Variants in TNFRSF1A observed in about 807,000 individuals in gnomAD.
TNFRSF1A encodes the protein TNF receptor superfamily member 1A, also known as tumor necrosis factor receptor superfamily member 1A.
In TNFRSF1A, 9 loss-of-function variants were observed where a neutral mutation model predicts 41.6. That is an observed-to-expected ratio of 0.22 (90% CI 0.13 to 0.38). The LOEUF (loss-of-function observed/expected upper bound fraction) is 0.38. TNFRSF1A is among the 10% of genes least tolerant of loss of function. TNFRSF1A has a pLI of 1.00. For missense variants in TNFRSF1A, 463 were observed against 591.5 expected (o/e 0.78, Z 2.25); for synonymous variants, 254 against 248.6 (o/e 1.02, Z -0.21).
chr12:6,338,448 T>A (rs929011385), intron 1 of TNFRSF1A, among the ~76,000 whole-genome samples: 14 of 152,278 alleles, frequency 9.2e-5, no homozygotes, highest in African/African-American at 3.1e-4. Context: ...ACACACTTTT[T>A]AAATCTTCAT....
At position 6,329,326 on chromosome 12, in the gene TNFRSF1A, T is replaced by G; in HGVS notation, c.1354A>C (p.Ser452Arg). 6.8e-7 allele frequency: 1 copy of G among 1,473,186 alleles called. No homozygotes were observed. The highest frequency in any genetic ancestry group is 1.5e-5 in the African/African-American group (1 of 68,140). The allele number at this position is 1,473,186 out of a possible 1,614,324, so 91.3% of individuals were successfully genotyped here. A position where few individuals can be genotyped will look rare whatever the true frequency, so the allele number is the denominator to read the frequency against. Reference sequence around the variant, plus strand: ...GGGGCGCAGCCTCATCTGAGAAGACTGGGCGCGGGCGGGAGGGCGGCGGGG... The same window carrying G: ...GGGGCGCAGCCTCATCTGAGAAGACGGGGCGCGGGCGGGAGGGCGGCGGGG... ...CGPAALPPAP[S>R]LLR The change falls in exon 10 of 10, where the codon AGT becomes CGT. Residue 452 changes from serine (S) to arginine (R), a missense_variant. Physicochemically the swap from Ser to Arg is moderately radical, Grantham distance 110 (BLOSUM62 -1). Coordinates refer to ENST00000162749, the MANE Select transcript of TNFRSF1A (RefSeq NM_001065.4).
Position 6,329,510 on chromosome 12 carries a change from C to A in TNFRSF1A, c.1170G>T (p.Leu390=). ...LSDHEIDRLE[L]QNGRCLREAQ... ...CCTCGCGCAGGCAGCGCCCGTTCTG[C>A]AGCTCCAGCCGATCGATCTCGTGGT... The change falls in exon 10 of 10, where the codon CTG becomes CTT. Residue 390 remains leucine (L), a synonymous_variant. Coordinates refer to ENST00000162749, the MANE Select transcript of TNFRSF1A (RefSeq NM_001065.4). The A allele has an allele frequency of 6.3e-7, 1 of 1,595,056 alleles. No homozygotes were observed. Among genetic ancestry groups the A allele is most frequent in the Non-Finnish European group, 8.5e-7 (1 of 1,178,058 alleles).
rs746122600 is a variant in TNFRSF1A at position 6,334,691 on chromosome 12, G to C, written c.40-447C>G. Among the ~76,000 whole-genome samples the C allele has an allele frequency of 1.3e-5, 2 of 152,002 alleles. No homozygotes were observed. Among genetic ancestry groups the C allele is most frequent in the African/African-American group, 2.4e-5 (1 of 41,352 alleles). The stretch of plus-strand genomic sequence containing the variant: ...TTTTTTTTATTTTTAGTAGAGGCAG[G>C]GTCTTGTTACGTTGCTCAGACTGGT... On this transcript the variant is annotated intron_variant, in intron 1 of 9. Coordinates refer to ENST00000162749, the MANE Select transcript of TNFRSF1A (RefSeq NM_001065.4). This position sits in a 1 kb window ranked among gnomAD's most constrained non-coding sequence, Gnocchi z 5.1.
chr12:6,329,668 C>G, intron 9 of TNFRSF1A, 46 bp from the exon 10 acceptor site: 1 of 1,552,722 alleles, frequency 6.4e-7, no homozygotes. Flanking sequence ...ACCCCAGGCC[C>G]CGCCCCGCAT....
chr12:6,333,268 AG>A lies in TNFRSF1A; in HGVS notation c.472+98del. The A allele has an allele frequency of 6.4e-7, 1 of 1,554,108 alleles. No individual in the cohort carries two copies. Among genetic ancestry groups the A allele is most frequent in the South Asian group, 1.1e-5 (1 of 87,528 alleles). ...GAGAGGAGTTGGTTGTCAGACCCACAGAATACAGGAGGGGGAAGGAAAGGAA... is the reference window on the plus strand; with the variant it reads ...GAGAGGAGTTGGTTGTCAGACCCACAAATACAGGAGGGGGAAGGAAAGGAA... On this transcript the variant is annotated intron_variant, in intron 4 of 9. Transcript: ENST00000162749. The surrounding 1 kb of genome is among the most constrained non-coding windows in gnomAD (Gnocchi z 6.3).
chr12:6,329,716 G>A lies in TNFRSF1A; in HGVS notation c.1057+62C>T, dbSNP rs1328664048. On this transcript the variant is annotated intron_variant, in intron 9 of 9. Coordinates refer to ENST00000162749, the MANE Select transcript of TNFRSF1A (RefSeq NM_001065.4). ...GCCTCTCGTGGTCCCCTCTGGGAGC[G>A]CCTCCCGCGCTCCCCCGGCCCTCCC... is the stretch of plus-strand genomic sequence containing the variant. The A allele has an allele frequency of 3.2e-6, 5 of 1,542,584 alleles. No individual in the cohort carries two copies. In the Admixed American group the frequency reaches 1.0e-4, roughly 32 times the overall value.
rs1565471344 is a variant in TNFRSF1A, at chr12:6,341,917, G to C, written c.-103C>G. ...ACTCGGTCTGTCCAGGACGTCCCAA[G>C]TGCCTTGGGGTGACAGTTGAGGGTT... On this transcript the variant is annotated 5_prime_UTR_variant, in exon 1 of 10. Coordinates refer to ENST00000162749, the MANE Select transcript of TNFRSF1A (RefSeq NM_001065.4). The surrounding 1 kb of genome is among the most constrained non-coding windows in gnomAD (Gnocchi z 4.6). The C allele has an allele frequency of 8.0e-7, 1 of 1,255,982 alleles. No individual in the cohort carries two copies. The highest frequency in any genetic ancestry group is 2.3e-5 in the East Asian group (1 of 42,936). The allele number at this position is 1,255,982 out of a possible 1,614,324, so 77.8% of individuals were successfully genotyped here. A position where few individuals can be genotyped will look rare whatever the true frequency, so the allele number is the denominator to read the frequency against.
chr12:6,334,187 G>A lies in TNFRSF1A; in HGVS notation c.97C>T (p.His33Tyr), dbSNP rs1005685583. 3.7e-6 allele frequency: 6 copies of A among 1,613,812 alleles called. No homozygotes were observed. The highest frequency in any genetic ancestry group is 5.1e-6 in the Non-Finnish European group (6 of 1,179,700). The change falls in exon 2 of 10, where the codon CAC (histidine) becomes TAC (tyrosine). Residue 33 changes from histidine (H) to tyrosine (Y), a missense_variant. By Grantham distance (83) the His-to-Tyr change is moderately conservative. Around this residue, in one of 4 missense-constraint regions of TNFRSF1A, gnomAD observed 37 missense variants for 46.5 expected, o/e 0.80. Coordinates refer to ENST00000162749, the MANE Select transcript of TNFRSF1A (RefSeq NM_001065.4). The surrounding 1 kb of genome is among the most constrained non-coding windows in gnomAD (Gnocchi z 5.1). Reference sequence around the variant, plus strand: ...TCTCTCTTCTCCCTGTCCCCTAGGTGAGGGACCAGTCCAATAACCCCTGAG... The same window carrying A: ...TCTCTCTTCTCCCTGTCCCCTAGGTAAGGGACCAGTCCAATAACCCCTGAG... ...YPSGVIGLVP[H>Y]LGDREKRDSV...
At chr12:6,331,403 G>C (rs189916772) in intron 5 of TNFRSF1A, 151 of 230,822 alleles carry the variant, frequency 6.5e-4, no homozygotes, top group African/African-American at 3.0e-3. Flanking sequence ...GAGGTTAAAG[G>C]GCTTTTTCTT....
chr12:6,336,779 A>T (rs559465859), intron 1 of TNFRSF1A, among the ~76,000 whole-genome samples: 1 of 152,186 alleles, frequency 6.6e-6, no homozygotes, highest in Non-Finnish European at 1.5e-5. Context: ...AGCTAAACCC[A>T]TTCCGTGAGC....
chr12:6,339,841 TCACACA>T (rs57599695), intron 1 of TNFRSF1A, among the ~76,000 whole-genome samples: 119 of 113,720 alleles, frequency 1.0e-3, no homozygotes, highest in Middle Eastern at 4.1e-3. Flanking sequence ...TCTCTCTCTC[TCACACA>T]CACACACACA....
At chr12:6,339,378 C>T (rs987072304) in intron 1 of TNFRSF1A, among the ~76,000 whole-genome samples, 1 of 152,188 alleles carries the variant, frequency 6.6e-6, no homozygotes, top group African/African-American at 2.4e-5. Context: ...GTGACAGGTC[C>T]CGTATGGGTG....
rs1157707826 is a variant in TNFRSF1A at position 6,334,941 on chromosome 12, C to T, written c.40-697G>A. ...CAACAAGCAGCCCTAAAGATTGGGG[C>T]GGTGTTTCTCCATCTGGGTGCTGGG... On this transcript the variant is annotated intron_variant, in intron 1 of 9. Coordinates refer to ENST00000162749, the MANE Select transcript of TNFRSF1A (RefSeq NM_001065.4). This position sits in a 1 kb window ranked among gnomAD's most constrained non-coding sequence, Gnocchi z 5.1. Among the ~76,000 whole-genome samples the T allele has an allele frequency of 2.6e-5, 4 of 152,314 alleles. No homozygotes were observed. Among genetic ancestry groups the T allele is most frequent in the African/African-American group, 4.8e-5 (2 of 41,574 alleles).
chr12:6,336,515 A>T (rs1176853473), intron 1 of TNFRSF1A, among the ~76,000 whole-genome samples: 4 of 149,146 alleles, frequency 2.7e-5, no homozygotes, highest in Non-Finnish European at 5.9e-5. Context: ...TCCCATCCCC[A>T]CTCAACCCCC....
chr12:6,339,376 T>C (rs1948158139), intron 1 of TNFRSF1A, among the ~76,000 whole-genome samples: 1 of 152,170 alleles, frequency 6.6e-6, no homozygotes, highest in Admixed American at 6.5e-5. Context: ...ATGTGACAGG[T>C]CCCGTATGGG....
rs552528723 is a variant in TNFRSF1A, at chr12:6,340,791, G to A, written c.39+985C>T. Reference sequence around the variant, plus strand: ...AGGGCAGGGAAAATCTGCCTGACTAGATGGGCCCAGGACATCTGAACAGGA... The same window carrying A: ...AGGGCAGGGAAAATCTGCCTGACTAAATGGGCCCAGGACATCTGAACAGGA... On this transcript the variant is annotated intron_variant, in intron 1 of 9. Transcript: ENST00000162749. Among the ~76,000 whole-genome samples, 30 of 152,268 alleles carry A rather than the reference G, an allele frequency of 2.0e-4. No individual in the cohort carries two copies. The East Asian group carries it at 5.2e-3, about 26-fold the overall frequency.
chr12:6,333,676 A>G lies in TNFRSF1A; in HGVS notation c.322+61T>C. 6.4e-7 allele frequency: 1 copy of G among 1,561,172 alleles called. No individual in the cohort carries two copies. The highest frequency in any genetic ancestry group is 2.4e-5 in the East Asian group (1 of 41,884). ...CCTGCCCACACCCACCAGCCTGCAC[A>G]TAGACAGGCACCCACACACCACTCA... On this transcript the variant is annotated intron_variant, in intron 3 of 9. Transcript: ENST00000162749. This position sits in a 1 kb window ranked among gnomAD's most constrained non-coding sequence, Gnocchi z 6.3.
rs1948199574 is a variant in TNFRSF1A at position 6,341,847 on chromosome 12, TG to T, written c.-34del. 6.2e-7 allele frequency: 1 copy of T among 1,613,820 alleles called. No homozygotes were observed. The highest frequency in any genetic ancestry group is 1.3e-5 in the African/African-American group (1 of 74,940). On this transcript the variant is annotated 5_prime_UTR_variant, in exon 1 of 10. It removes the in-frame stop codon of an upstream open reading frame in the 5' UTR. Transcript: ENST00000162749. This position sits in a 1 kb window ranked among gnomAD's most constrained non-coding sequence, Gnocchi z 4.6. The stretch of plus-strand genomic sequence containing the variant: ...AGCTATGGCCTCTCACTCCCCCATT[TG>T]GGCTCAGGGCAGTGTGGCAGCGGCA...
rs756987699 is a variant in TNFRSF1A, at chr12:6,333,238, G to C, written c.473-91C>G. The C allele has an allele frequency of 2.6e-6, 4 of 1,546,978 alleles. No homozygotes were observed. Among genetic ancestry groups the C allele is most frequent in the Non-Finnish European group, 3.5e-6 (4 of 1,127,796 alleles). ...AAGTGACGAGGGACAGGGTGGGGGC[G>C]GCCAGAGAGGAGTTGGTTGTCAGAC... On this transcript the variant is annotated intron_variant, in intron 4 of 9. Transcript: ENST00000162749. The surrounding 1 kb of genome is among the most constrained non-coding windows in gnomAD (Gnocchi z 6.3).
Sources: gnomAD v4.1 joint callset for allele counts (sites outside exome capture counted in the v4.1 genomes callset) on GRCh38, gnomAD v4.1.1 for gene constraint, gnomAD v4.1.1 regional missense constraint, Gnocchi (gnomAD v3.1) non-coding constraint, MANE v1.5 for transcripts, NCBI Gene and HGNC (gene_info 2026-07-23, HGNC 2026-07-21) for gene names.